The following PPP1R9A variants were observed in gnomAD, a reference collection of about 807,000 sequenced individuals.
PPP1R9A encodes neurabin-1.
A neutral mutation model predicts 141.9 loss-of-function variants in PPP1R9A; 59 were observed. That is an observed-to-expected ratio of 0.42 (90% CI 0.34 to 0.52). The LOEUF (loss-of-function observed/expected upper bound fraction) is 0.52. Among genes scored for constraint, PPP1R9A ranks in the 20% least tolerant of loss-of-function variants. The pLI is 0.10. For synonymous variants in PPP1R9A, 500 were observed against 569.7 expected, an observed-to-expected ratio of 0.88 and a Z score of 1.74; for missense variants, 1,444 against 1,611.9, an observed-to-expected ratio of 0.90 and a Z score of 1.78.
chr7:95,222,554 A>G (rs1190413798), intron 7 of PPP1R9A, among the ~76,000 whole-genome samples: 1 of 152,008 alleles, frequency 6.6e-6, no homozygotes, highest in Non-Finnish European at 1.5e-5. Context: ...GTAGGTAAAG[A>G]CATGAAAGGG....
At chr7:94,973,601 G>T (rs1181427780) in intron 2 of PPP1R9A, among the ~76,000 whole-genome samples, 1 of 152,094 alleles carries the variant, frequency 6.6e-6, no homozygotes, top group African/African-American at 2.4e-5. Flanking sequence ...ACAAGAGAGA[G>T]ATAGGGATTA....
At chr7:95,253,729 G>A (rs1799200820) in intron 12 of PPP1R9A, among the ~76,000 whole-genome samples, 2 of 152,082 alleles carry the variant, frequency 1.3e-5, no homozygotes, top group South Asian at 2.1e-4. Context: ...ATTTATTTGA[G>A]CTCTTATGGA....
intron 16 of PPP1R9A, 60 bp downstream of exon 16, chr7:95,274,228 T>A: frequency 7.1e-7 from 1 of 1,409,332 alleles, no homozygotes; most frequent in Non-Finnish European, 9.6e-7. Flanking sequence ...GGCCCCCTCT[T>A]CTATTGTTAA....
In PPP1R9A at chr7:95,257,122, TTGGCCCAGAATA is replaced by T. The variant is rs551085766; in HGVS notation, c.2665+4993_2665+5004del. On this transcript the variant is annotated intron_variant, in intron 12 of 19. Coordinates refer to ENST00000433360, the MANE Select transcript of PPP1R9A (RefSeq NM_001166160.2). ...CCAGAATAGGGCCAAGGTGAATTGCTTGGCCCAGAATAGGGCCAGGTTCTCCTGAGGAAGAAC... is the reference window on the plus strand; with the variant it reads ...CCAGAATAGGGCCAAGGTGAATTGCTGGGCCAGGTTCTCCTGAGGAAGAAC... Among the ~76,000 whole-genome samples the T allele has an allele frequency of 2.5e-3, 380 of 152,280 alleles. 3 individuals are homozygous for T. Among genetic ancestry groups the T allele is most frequent in the Admixed American group, 0.023 (351 of 15,276 alleles).
chr7:95,006,200 AT>A (rs1226901212), intron 2 of PPP1R9A, among the ~76,000 whole-genome samples: 1 of 146,052 alleles, frequency 6.8e-6, no homozygotes, highest in Non-Finnish European at 1.5e-5. Context: ...GAACTTATTT[AT>A]TTATTTATTT....
At chr7:95,156,502 T>C in intron 4 of PPP1R9A, 1 of 152,568 alleles carries the variant, frequency 6.6e-6, no homozygotes. Flanking sequence ...CCCGAGTTCT[T>C]GTCCTGCAAC....
At chr7:95,148,866 C>T (rs969291772) in intron 4 of PPP1R9A, among the ~76,000 whole-genome samples, 1 of 151,776 alleles carries the variant, frequency 6.6e-6, no homozygotes, top group African/African-American at 2.4e-5. Context: ...TATGAGGCCA[C>T]CAGAACTCTA....
intron 12 of PPP1R9A, among the ~76,000 whole-genome samples, chr7:95,261,490 C>T (rs1285920923): frequency 6.6e-6 from 1 of 151,780 alleles, no homozygotes; most frequent in African/African-American, 2.4e-5. Flanking sequence ...TACCAAAAAA[C>T]ACTGTTGCTT....
At chr7:95,233,387 G>C (rs1563469035) in intron 8 of PPP1R9A, among the ~76,000 whole-genome samples, 1 of 151,984 alleles carries the variant, frequency 6.6e-6, no homozygotes, top group Non-Finnish European at 1.5e-5. Context: ...GGGGCAAGGG[G>C]AGGGATAGCA....
intron 3 of PPP1R9A, among the ~76,000 whole-genome samples, chr7:95,115,114 AG>A (rs1821251182): frequency 6.6e-6 from 1 of 152,148 alleles, no homozygotes; most frequent in Admixed American, 6.5e-5. Flanking sequence ...TAGTAAAATA[AG>A]GTAATACAAA....
intron 2 of PPP1R9A, among the ~76,000 whole-genome samples, chr7:94,972,940 C>G (rs1161315312): frequency 6.6e-6 from 1 of 152,100 alleles, no homozygotes; most frequent in Non-Finnish European, 1.5e-5. Flanking sequence ...CATGTTCTTT[C>G]CATTCCATAA....
chr7:94,927,771 G>C (rs898377092), intron 2 of PPP1R9A, among the ~76,000 whole-genome samples: 3 of 152,040 alleles, frequency 2.0e-5, no homozygotes, highest in African/African-American at 7.2e-5. Context: ...ATATACATAG[G>C]GTGACCATAT....
chr7:95,173,086 AC>A (rs1832375646), intron 5 of PPP1R9A, among the ~76,000 whole-genome samples: 1 of 151,938 alleles, frequency 6.6e-6, no homozygotes, highest in African/African-American at 2.4e-5. Context: ...ACTGATCACA[AC>A]CCTAATTGCA....
chr7:95,292,451 T>C lies in PPP1R9A; in HGVS notation c.*2148T>C, dbSNP rs1456241757. On this transcript the variant is annotated 3_prime_UTR_variant, in exon 20 of 20. Transcript: ENST00000433360. ...ATAGAAGGATGATTATCTTAAGTTA[T>C]GTTTACACTTTGGTAATATTTGAAA... The C allele has an allele frequency of 6.6e-6, 1 of 152,652 alleles. No individual in the cohort carries two copies. Among genetic ancestry groups the C allele is most frequent in the Non-Finnish European group, 1.5e-5 (1 of 68,042 alleles). The allele number at this position is 152,652 out of a possible 1,614,324, so 9.5% of individuals were successfully genotyped here.
intron 2 of PPP1R9A, among the ~76,000 whole-genome samples, chr7:95,031,168 C>G (rs1288633503): frequency 6.6e-6 from 1 of 152,156 alleles, no homozygotes; most frequent in Non-Finnish European, 1.5e-5. Flanking sequence ...CTTATGGAAA[C>G]TTGTTCTTCC....
At position 95,003,348 on chromosome 7, in the gene PPP1R9A, G is replaced by A. The variant is rs183084085; in HGVS notation, c.1395+91840G>A. ...AAATAAACAAGGAAATAAAATTTCC[G>A]GGTTCTGTTAGTTGTTAGAAAACAT... On this transcript the variant is annotated intron_variant, in intron 2 of 19. Coordinates refer to ENST00000433360, the MANE Select transcript of PPP1R9A (RefSeq NM_001166160.2). 3.6e-3 allele frequency among the ~76,000 whole-genome samples: 545 copies of A among 152,116 alleles called. 5 individuals are homozygous for A. Among genetic ancestry groups the A allele is most frequent in the African/African-American group, 0.012 (518 of 41,508 alleles).
chr7:95,082,105 A>G lies in PPP1R9A; in HGVS notation c.1396-29154A>G, dbSNP rs1815936918. 2.6e-5 allele frequency among the ~76,000 whole-genome samples: 4 copies of G among 152,338 alleles called. No individual in the cohort carries two copies. The South Asian group carries it at 8.3e-4, about 32-fold the overall frequency. On this transcript the variant is annotated intron_variant, in intron 2 of 19. Coordinates refer to ENST00000433360, the MANE Select transcript of PPP1R9A (RefSeq NM_001166160.2). ...TTTTATTTGACCTGACTCAGTGCTA[A>G]CACGTTGTTTTTTTGGGGCGAGGTG...
At chr7:95,180,823 A>G (rs959906281) in intron 5 of PPP1R9A, among the ~76,000 whole-genome samples, 8 of 152,176 alleles carry the variant, frequency 5.3e-5, no homozygotes, top group African/African-American at 1.9e-4. Context: ...ACAGTGTGAT[A>G]CCACCTTACT....
chr7:95,240,728 T>G (rs550084867), intron 8 of PPP1R9A, among the ~76,000 whole-genome samples: 1 of 152,290 alleles, frequency 6.6e-6, no homozygotes, highest in East Asian at 1.9e-4. Flanking sequence ...CTTCTTACTC[T>G]TCATTCTTTC....
Sources: allele counts gnomAD v4.1 joint callset (sites outside exome capture counted in the v4.1 genomes callset), GRCh38; gene constraint gnomAD v4.1.1; transcripts MANE v1.5; gene names NCBI Gene and HGNC (gene_info 2026-07-23, HGNC 2026-07-21).